Variants in PCDH15 observed in about 807,000 individuals in gnomAD.
The protein encoded by PCDH15 is protocadherin related 15.
Under a neutral mutation model 178.5 loss-of-function variants are expected in PCDH15, and 129 were observed. That is an observed-to-expected ratio of 0.72 (90% CI 0.63 to 0.84). The LOEUF (loss-of-function observed/expected upper bound fraction) is 0.84. Among genes scored for constraint, PCDH15 ranks in the 40% least tolerant of loss-of-function variants. PCDH15 has a pLI of 0.00. For missense variants in PCDH15, 2,230 were observed against 2,099.9 expected, an observed-to-expected ratio of 1.06 and a Z score of -1.21; for synonymous variants, 800 against 732.0, an observed-to-expected ratio of 1.09 and a Z score of -1.50.
At chr10:55,607,376 G>C (rs1843246695) in intron 2 of PCDH15, among the ~76,000 whole-genome samples, 1 of 144,660 alleles carries the variant, frequency 6.9e-6, no homozygotes, top group African/African-American at 2.6e-5. Context: ...AATACCATTT[G>C]ACCCAGCCAT....
At chr10:55,317,851 ACT>A (rs1843767238) in intron 1 of PCDH15, among the ~76,000 whole-genome samples, 1 of 152,160 alleles carries the variant, frequency 6.6e-6, no homozygotes, top group Non-Finnish European at 1.5e-5. Context: ...CACGCATGGA[ACT>A]GGAAAGGCAC....
intron 23 of PCDH15, among the ~76,000 whole-genome samples, chr10:53,958,332 A>C (rs11003944): frequency 6.6e-6 from 1 of 152,160 alleles, no homozygotes; most frequent in Admixed American, 6.5e-5. Context: ...CATAGGCTGA[A>C]TATTTGGTGT....
chr10:54,743,818 G>GAA (rs60531822), intron 1 of PCDH15, among the ~76,000 whole-genome samples: 4 of 147,952 alleles, frequency 2.7e-5, no homozygotes, highest in Admixed American at 6.8e-5. Context: ...TTAGAAAAAA[G>GAA]AAAAAAAAAG....
chr10:55,582,970 A>G (rs1364469157), intron 2 of PCDH15, among the ~76,000 whole-genome samples: 1 of 152,136 alleles, frequency 6.6e-6, no homozygotes, highest in African/African-American at 2.4e-5. Flanking sequence ...TTAAGTTATC[A>G]TGATGAAATT....
chr10:54,949,663 G>T (rs1280909191), intron 2 of PCDH15, among the ~76,000 whole-genome samples: 1 of 151,832 alleles, frequency 6.6e-6, no homozygotes, highest in Non-Finnish European at 1.5e-5. Flanking sequence ...ATCTATTTGT[G>T]AATGCATACA....
At chr10:54,935,887 T>C (rs1564643924) in intron 2 of PCDH15, among the ~76,000 whole-genome samples, 1 of 152,122 alleles carries the variant, frequency 6.6e-6, no homozygotes, top group African/African-American at 2.4e-5. Flanking sequence ...TTATCATTTA[T>C]TGATATATAA....
At chr10:54,329,510 G>A in intron 7 of PCDH15, 86 bp downstream of exon 7, 1 of 970,616 alleles carries the variant, frequency 1.0e-6, no homozygotes, top group Non-Finnish European at 1.7e-6. Context: ...GTGGCACAGA[G>A]CTCTCCAAGA....
intron 3 of PCDH15, among the ~76,000 whole-genome samples, chr10:54,445,913 T>G (rs2076115568): frequency 6.6e-6 from 1 of 151,632 alleles, no homozygotes; most frequent in Non-Finnish European, 1.5e-5. Flanking sequence ...ATTAGCAGGT[T>G]GCATTTCAGT....
intron 2 of PCDH15, among the ~76,000 whole-genome samples, chr10:55,088,291 CAG>C (rs935331487): frequency 2.7e-5 from 4 of 150,540 alleles, no homozygotes; most frequent in African/African-American, 7.3e-5. Flanking sequence ...TTTTTTGAGA[CAG>C]AGTCTTACTC....
intron 2 of PCDH15, among the ~76,000 whole-genome samples, chr10:55,571,963 T>G (rs998378506): frequency 1.3e-5 from 2 of 152,088 alleles, no homozygotes; most frequent in African/African-American, 4.8e-5. Context: ...GCCACGTGTC[T>G]TGCTATAAAC....
At chr10:55,020,742 T>C (rs992925585) in intron 2 of PCDH15, among the ~76,000 whole-genome samples, 1 of 152,140 alleles carries the variant, frequency 6.6e-6, no homozygotes, top group Non-Finnish European at 1.5e-5. Context: ...GTTTTACAGA[T>C]GAGAAAATTC....
intron 2 of PCDH15, among the ~76,000 whole-genome samples, chr10:55,461,981 A>G (rs776548040): frequency 6.6e-6 from 1 of 152,150 alleles, no homozygotes; most frequent in Non-Finnish European, 1.5e-5. Flanking sequence ...GGTCACACCC[A>G]TTAATGGTCA....
At chr10:54,388,216 G>A (rs1565150678) in intron 3 of PCDH15, among the ~76,000 whole-genome samples, 2 of 152,140 alleles carry the variant, frequency 1.3e-5, no homozygotes, top group Non-Finnish European at 2.9e-5. Flanking sequence ...CTGTTCAAAC[G>A]TTCATCAGCA....
chr10:54,034,820 TGTCA>T (rs1334648802), intron 18 of PCDH15, among the ~76,000 whole-genome samples: 1 of 151,924 alleles, frequency 6.6e-6, no homozygotes, highest in Admixed American at 6.6e-5. Context: ...TGAAAAGTGC[TGTCA>T]GTTTGTTTTC....
At chr10:54,093,537 C>G (rs956627450) in intron 15 of PCDH15, among the ~76,000 whole-genome samples, 2 of 152,106 alleles carry the variant, frequency 1.3e-5, no homozygotes, top group Admixed American at 1.3e-4. Flanking sequence ...TCAACAGAAG[C>G]ATTTACCCTT....
At chr10:54,239,763 G>A (rs1443755092) in intron 8 of PCDH15, among the ~76,000 whole-genome samples, 1 of 151,912 alleles carries the variant, frequency 6.6e-6, no homozygotes, top group African/African-American at 2.4e-5. Flanking sequence ...ATTTTATCTT[G>A]TCCTATAGAG....
At chr10:54,228,401 G>T (rs2053690383) in intron 9 of PCDH15, among the ~76,000 whole-genome samples, 2 of 152,016 alleles carry the variant, frequency 1.3e-5, no homozygotes, top group Non-Finnish European at 2.9e-5. Context: ...TAACAACACA[G>T]GAAAGACTTG....
intron 3 of PCDH15, among the ~76,000 whole-genome samples, chr10:54,415,594 GAT>G (rs1347214977): frequency 6.6e-6 from 1 of 151,642 alleles, no homozygotes; most frequent in African/African-American, 2.4e-5. Context: ...AATATTCACA[GAT>G]GTGATATATG....
At chr10:54,982,698 T>C (rs1839268117) in intron 2 of PCDH15, among the ~76,000 whole-genome samples, 1 of 152,150 alleles carries the variant, frequency 6.6e-6, no homozygotes, top group African/African-American at 2.4e-5. Flanking sequence ...TAAAATCTTA[T>C]AAAATCTACT....
Sources: allele counts gnomAD v4.1 joint callset (sites outside exome capture counted in the v4.1 genomes callset), GRCh38; gene constraint gnomAD v4.1.1; transcripts MANE v1.5; gene names NCBI Gene and HGNC (gene_info 2026-07-23, HGNC 2026-07-21).